PTPRR: variants seen among roughly 807,000 people sequenced by gnomAD.
The protein encoded by PTPRR is receptor-type tyrosine-protein phosphatase R.
Under a neutral mutation model 77.2 loss-of-function variants are expected in PTPRR, and 38 were observed. The observed-to-expected ratio is 0.49, with a 90% CI of 0.38 to 0.65. The LOEUF is 0.65. PTPRR is among the 30% of genes least tolerant of loss of function. The pLI is 0.00. For missense variants in PTPRR, 744 were observed against 799.2 expected, an observed-to-expected ratio of 0.93 and a Z score of 0.83; for synonymous variants, 299 against 283.1, an observed-to-expected ratio of 1.06 and a Z score of -0.57.
At chr12:70,784,418 C>A (rs1592755821) in intron 2 of PTPRR, among the ~76,000 whole-genome samples, 1 of 152,186 alleles carries the variant, frequency 6.6e-6, no homozygotes, top group African/African-American at 2.4e-5. Context: ...GGGGTTGGGT[C>A]GATGCTGCCG....
At chr12:70,771,543 A>C (rs1890977818) in intron 2 of PTPRR, among the ~76,000 whole-genome samples, 1 of 152,150 alleles carries the variant, frequency 6.6e-6, no homozygotes. Flanking sequence ...CCTGAATCTA[A>C]AATAAAAGTT....
chr12:70,708,122 G>T (rs1267061330), intron 6 of PTPRR, among the ~76,000 whole-genome samples: 2 of 151,984 alleles, frequency 1.3e-5, no homozygotes, highest in African/African-American at 2.4e-5. Flanking sequence ...TTCCCAATAT[G>T]TATCCAATAT....
At chr12:70,743,753 G>T (rs548784191) in intron 6 of PTPRR, among the ~76,000 whole-genome samples, 1 of 152,110 alleles carries the variant, frequency 6.6e-6, no homozygotes, top group Non-Finnish European at 1.5e-5. Flanking sequence ...GTATGATTCC[G>T]TCCTTGTATT....
At chr12:70,796,625 G>A (rs1031063841) in intron 2 of PTPRR, among the ~76,000 whole-genome samples, 3 of 152,134 alleles carry the variant, frequency 2.0e-5, no homozygotes, top group East Asian at 3.9e-4. Context: ...GAGAATTTAC[G>A]TTTTTAGGGG....
chr12:70,652,869 G>A (rs911123680), intron 13 of PTPRR, among the ~76,000 whole-genome samples: 1 of 152,208 alleles, frequency 6.6e-6, no homozygotes, highest in Non-Finnish European at 1.5e-5. Flanking sequence ...ACCCAAGGTG[G>A]AGGTCAGGCT....
chr12:70,886,084 TCA>T (rs1893235003), intron 2 of PTPRR, among the ~76,000 whole-genome samples: 1 of 152,160 alleles, frequency 6.6e-6, no homozygotes, highest in African/African-American at 2.4e-5. Context: ...GGTTGTAACC[TCA>T]CACAGACATT....
rs572293395 is a variant in PTPRR at position 70,819,957 on chromosome 12, A to G, written c.358-55179T>C. 7.4e-4 allele frequency among the ~76,000 whole-genome samples: 113 copies of G among 152,346 alleles called. 2 individuals are homozygous for G. The highest frequency in any genetic ancestry group is 2.7e-3 in the African/African-American group (112 of 41,578). Reference sequence around the variant, plus strand: ...TTTTATGAAATGTGAGAAAAGATCAACTATTTTTTGAAACCTTAAGCCAAA... The same window carrying G: ...TTTTATGAAATGTGAGAAAAGATCAGCTATTTTTTGAAACCTTAAGCCAAA... On this transcript the variant is annotated intron_variant, in intron 2 of 13. Transcript: ENST00000283228.
intron 1 of PTPRR, among the ~76,000 whole-genome samples, chr12:70,914,330 G>T (rs1252557816): frequency 6.6e-6 from 1 of 152,132 alleles, no homozygotes; most frequent in Non-Finnish European, 1.5e-5. Flanking sequence ...CTGTATTAAA[G>T]AATTTTTTGG....
chr12:70,639,304 T>C, intron 13 of PTPRR, 27 bp from the exon 14 acceptor site: 1 of 1,606,052 alleles, frequency 6.2e-7, no homozygotes, highest in African/African-American at 1.3e-5. Flanking sequence ...ATAAAATAAC[T>C]GATTTTGCTA....
chr12:70,912,300 G>C (rs1431814511), intron 1 of PTPRR, among the ~76,000 whole-genome samples: 2 of 152,090 alleles, frequency 1.3e-5, no homozygotes, highest in Admixed American at 1.3e-4. Context: ...TTAGTACAGT[G>C]AAATAGCTGT....
chr12:70,853,388 A>C (rs1414314339), intron 2 of PTPRR, among the ~76,000 whole-genome samples: 1 of 152,212 alleles, frequency 6.6e-6, no homozygotes, highest in East Asian at 1.9e-4. Context: ...TCTGCATTAA[A>C]ACTACATAAG....
chr12:70,809,886 T>C (rs1288914267), intron 2 of PTPRR, among the ~76,000 whole-genome samples: 9 of 152,204 alleles, frequency 5.9e-5, no homozygotes, highest in African/African-American at 2.2e-4. Context: ...TTCTTTTAGA[T>C]TTTAACTTTT....
chr12:70,796,486 A>C (rs1891516580), intron 2 of PTPRR, among the ~76,000 whole-genome samples: 1 of 152,222 alleles, frequency 6.6e-6, no homozygotes, highest in Non-Finnish European at 1.5e-5. Flanking sequence ...TAACATAATC[A>C]GTACTTTTAT....
intron 2 of PTPRR, among the ~76,000 whole-genome samples, chr12:70,850,065 A>G (rs1297457050): frequency 1.3e-5 from 2 of 152,192 alleles, no homozygotes; most frequent in African/African-American, 2.4e-5. Context: ...TCTATTTAAA[A>G]AAAAGTAATT....
chr12:70,792,431 T>C (rs1033141871), intron 2 of PTPRR, among the ~76,000 whole-genome samples: 3 of 152,210 alleles, frequency 2.0e-5, no homozygotes, highest in African/African-American at 7.2e-5. Context: ...GGACCCATTC[T>C]GCTTAGTATG....
intron 2 of PTPRR, among the ~76,000 whole-genome samples, chr12:70,776,312 T>C (rs1207125190): frequency 6.6e-6 from 1 of 151,980 alleles, no homozygotes; most frequent in East Asian, 1.9e-4. Flanking sequence ...TTTCTTTATC[T>C]ATATTTCCAT....
At chr12:70,740,599 C>T (rs11178387) in intron 6 of PTPRR, among the ~76,000 whole-genome samples, 1 of 151,978 alleles carries the variant, frequency 6.6e-6, no homozygotes, top group Admixed American at 6.6e-5. Context: ...ATTCTTTATA[C>T]TCAGTTAAGC....
At position 70,639,219 on chromosome 12, in the gene PTPRR, A is replaced by G; in HGVS notation, c.1939T>C (p.Tyr647His). ...YEFVHHALCL[Y>H]ESRLSAETVQ is the part of the protein sequence containing the mutation. ...GTCTCTGCTGAAAGTCTGCTCTCAT[A>G]CAGGCACAGAGCATGGTGCACAAAT... Residue 647 changes from tyrosine to histidine, a missense_variant, in exon 14 of 14, where the codon TAT becomes CAT. Tyr to His is a moderately conservative substitution (Grantham distance 83, BLOSUM62 2). Transcript: ENST00000283228. 1.2e-6 allele frequency: 2 copies of G among 1,613,516 alleles called. No individual in the cohort carries two copies. Among genetic ancestry groups the G allele is most frequent in the Non-Finnish European group, 1.7e-6 (2 of 1,179,864 alleles).
intron 6 of PTPRR, among the ~76,000 whole-genome samples, chr12:70,725,885 C>T (rs528545288): frequency 6.6e-6 from 1 of 152,144 alleles, no homozygotes; most frequent in South Asian, 2.1e-4. Flanking sequence ...AATGCACAGC[C>T]CTGGTTGAAG....
Sources: gnomAD v4.1 joint callset for allele counts (sites outside exome capture counted in the v4.1 genomes callset) on GRCh38, gnomAD v4.1.1 for gene constraint, MANE v1.5 for transcripts, NCBI Gene and HGNC (gene_info 2026-07-23, HGNC 2026-07-21) for gene names.